The following NAPRT variants were observed in gnomAD, a reference collection of about 807,000 sequenced individuals.
NAPRT encodes nicotinate phosphoribosyltransferase.
A neutral mutation model predicts 60.7 loss-of-function variants in NAPRT; 66 were observed. The ratio of observed to expected loss-of-function variants is 1.09; its 90% CI spans 0.89 to 1.33. The LOEUF (loss-of-function observed/expected upper bound fraction) is 1.33, where lower values mean the gene tolerates loss of function less well. NAPRT is among the 40% of genes most tolerant of loss of function. The pLI is 0.00. For missense variants in NAPRT, 818 were observed against 731.5 expected (o/e 1.12, Z -1.36); for synonymous variants, 405 against 335.7 (o/e 1.21, Z -2.26).
In NAPRT at chr8:143,577,394, AC is replaced by A. The variant is rs1824550815; in HGVS notation, c.442del (p.Val148TrpfsTer10). On this transcript the variant is annotated frameshift_variant, in exon 4 of 13. Coordinates refer to ENST00000449291, the MANE Select transcript of NAPRT (RefSeq NM_145201.6). LOFTEE classifies it high-confidence loss of function. ...LLCLVSYASL[V>X]ATNAARLRLI... is the part of the protein sequence containing the mutation. ...GCGAAGCCGCGCTGCGTTGGTGGCC[AC>A]CAGGCTGTGGGGAGCCAAGAGTCAG... is the stretch of plus-strand genomic sequence containing the variant. 3 of 1,606,630 alleles carry A rather than the reference AC, an allele frequency of 1.9e-6. No homozygotes were observed. Among genetic ancestry groups the A allele is most frequent in the Non-Finnish European group, 2.5e-6 (3 of 1,177,494 alleles).
At chr8:143,574,762 G>C (rs1054289676), downstream of NAPRT, 1 of 1,532,754 alleles carries the variant, frequency 6.5e-7, no homozygotes, top group African/African-American at 1.4e-5. Context: ...GTGAACAAAC[G>C]ACACAAACAA....
At position 143,576,547 on chromosome 8, in the gene NAPRT, C is replaced by A. The variant is rs1003388135; in HGVS notation, c.907G>T (p.Val303Phe). 6.2e-7 allele frequency: 1 copy of A among 1,611,800 alleles called. No homozygotes were observed. Among genetic ancestry groups the A allele is most frequent in the Admixed American group, 1.7e-5 (1 of 59,896 alleles). ...WRSGLPNFLA[V>F]ALALGELGYR... Reference sequence around the variant, plus strand: ...CCCAGCTCTCCCAGGGCCAGGGCGACTGCTAGGAAGTTGGGGAGACCACTC... The same window carrying A: ...CCCAGCTCTCCCAGGGCCAGGGCGAATGCTAGGAAGTTGGGGAGACCACTC... Residue 303 changes from valine to phenylalanine, a missense_variant, in exon 7 of 13, where the codon GTC becomes TTC. Physicochemically the swap from Val to Phe is conservative, Grantham distance 50. Transcript: ENST00000449291.
At position 143,575,330 on chromosome 8, in the gene NAPRT, T is replaced by A. The variant is rs147123886; in HGVS notation, c.1307A>T (p.Asp436Val). Residue 436 changes from aspartate to valine, a missense_variant, in exon 11 of 13, where the codon GAC becomes GTC. Transcript: ENST00000449291. ...LLGSDGSPLM[D>V]MLQLAEEPVP... is the part of the protein sequence containing the mutation. The stretch of plus-strand genomic sequence containing the variant: ...TGGCTCTTCTGCTAACTGCAGCATG[T>A]CCATGAGTGGAGACCCTGTGTGGAC... The A allele has an allele frequency of 6.6e-5, 106 of 1,612,436 alleles. No homozygotes were observed. Among genetic ancestry groups the A allele is most frequent in the Non-Finnish European group, 8.6e-5 (101 of 1,179,730 alleles).
chr8:143,575,003 T>A lies in NAPRT; in HGVS notation c.1537A>T (p.Ser513Cys), dbSNP rs1563928903. 6.6e-7 allele frequency: 1 copy of A among 1,525,744 alleles called. No homozygotes were observed. Among genetic ancestry groups the A allele is most frequent in the Admixed American group, 2.0e-5 (1 of 49,168 alleles). 94.5% of individuals were successfully genotyped at this position (1,525,744 alleles called of 1,614,324 possible). A position where few individuals can be genotyped will look rare whatever the true frequency, so the allele number is the denominator to read the frequency against. The change falls in exon 12 of 13, where the codon AGC becomes TGC. Residue 513 changes from serine to cysteine, a missense_variant. Ser to Cys is a moderately radical substitution (Grantham distance 112). Transcript: ENST00000449291. ...RLSPEHRRLRSPAQYQVVLSE... is the reference protein window; with the variant it reads ...RLSPEHRRLRCPAQYQVVLSE... ...CCCCCAACCTGGTACTGTGCAGGGC[T>A]CCGCAGCCGCCTGTGCTCAGGGCTG...
At chr8:143,577,967 A>G (rs375738404) in intron 1 of NAPRT, 24 bp from the exon 2 acceptor site, 129 of 1,600,334 alleles carry the variant, frequency 8.1e-5, no homozygotes, top group Non-Finnish European at 1.0e-4. Flanking sequence ...AACTGCGCTG[A>G]GACCAGCGCG....
At chr8:143,577,029 C>T (rs748417887) in intron 5 of NAPRT, 33 bp downstream of exon 5, 1 of 1,600,246 alleles carries the variant, frequency 6.2e-7, no homozygotes, top group African/African-American at 1.3e-5. Context: ...GGCCTGTCGC[C>T]TGGAGACAGC....
chr8:143,576,632 G>A lies in NAPRT; in HGVS notation c.881+14C>T, dbSNP rs772265256. On this transcript the variant is annotated intron_variant, in intron 6 of 12. Coordinates refer to ENST00000449291, the MANE Select transcript of NAPRT (RefSeq NM_145201.6). The stretch of plus-strand genomic sequence containing the variant: ...AGGTTCTGCTGAGCCCACCCCTAAA[G>A]TGCCCGGGCTCACCTCCACACGCTG... The A allele has an allele frequency of 1.9e-6, 3 of 1,605,986 alleles. 1 individual carries two copies. In the South Asian group the frequency reaches 3.3e-5, roughly 18 times the overall value.
chr8:143,573,130 C>G (rs902631881), downstream of NAPRT, among the ~76,000 whole-genome samples: 4 of 152,166 alleles, frequency 2.6e-5, no homozygotes, highest in Non-Finnish European at 5.9e-5. Flanking sequence ...GAGTCGAGGC[C>G]TGATTCAGCC....
At chr8:143,573,229 C>T (rs1824183301), downstream of NAPRT, among the ~76,000 whole-genome samples, 1 of 152,190 alleles carries the variant, frequency 6.6e-6, no homozygotes, top group Non-Finnish European at 1.5e-5. Flanking sequence ...CACGCTGGCT[C>T]TGTCAGACAC....
Position 143,577,264 on chromosome 8 carries a change from C to T in NAPRT, c.568+5G>A, listed in dbSNP as rs1196755560. Reference sequence around the variant, plus strand: ...CCCTTGCCTTGCCCCGCACCAGACACTCACCGCCCAGGTAGCTGTAGGTGG... The same window carrying T: ...CCCTTGCCTTGCCCCGCACCAGACATTCACCGCCCAGGTAGCTGTAGGTGG... On this transcript the variant is annotated splice_donor_5th_base_variant and intron_variant, in intron 4 of 12. Coordinates refer to ENST00000449291, the MANE Select transcript of NAPRT (RefSeq NM_145201.6). 4 of 1,609,008 alleles carry T rather than the reference C, an allele frequency of 2.5e-6. No homozygotes were observed. The highest frequency in any genetic ancestry group is 3.4e-6 in the Non-Finnish European group (4 of 1,177,746).
chr8:143,577,346 C>T lies in NAPRT; in HGVS notation c.491G>A (p.Arg164Gln), dbSNP rs1824545902. 6.2e-7 allele frequency: 1 copy of T among 1,606,732 alleles called. No individual in the cohort carries two copies. Among genetic ancestry groups the T allele is most frequent in the Non-Finnish European group, 8.5e-7 (1 of 1,177,694 alleles). Residue 164 changes from arginine to glutamine, a missense_variant, in exon 4 of 13, where the codon CGG becomes CAG. Physicochemically the swap from Arg to Gln is conservative, Grantham distance 43. Transcript: ENST00000449291. ...CCGCCTCAGGCCCATCTCTAGCAGC[C>T]GCTTCTCTGGCCCTGCGATCAAGCG... ...RLRLIAGPEK[R>Q]LLEMGLRRAQ...
Position 143,577,721 on chromosome 8 carries a change from A to C in NAPRT, c.373T>G (p.Ser125Ala), listed in dbSNP as rs376323296. The C allele has an allele frequency of 7.0e-5, 109 of 1,547,916 alleles. No homozygotes were observed. Among genetic ancestry groups the C allele is most frequent in the Admixed American group, 1.9e-4 (10 of 51,542 alleles). The change falls in exon 3 of 13, where the codon TCC becomes GCC. Residue 125 changes from serine to alanine, a missense_variant. Coordinates refer to ENST00000449291, the MANE Select transcript of NAPRT (RefSeq NM_145201.6). ...AGCTGCACCACCAGGAGCGGCCCGG[A>C]CACCTGCAGGAGCGGCACCTGCGGG... is the stretch of plus-strand genomic sequence containing the variant. The part of the protein sequence containing the change: ...AFPGVPLLQV[S>A]GPLLVVQLLE...
At chr8:143,574,550 G>A, downstream of NAPRT, 2 of 583,554 alleles carry the variant, frequency 3.4e-6, no homozygotes, top group South Asian at 2.0e-5. Flanking sequence ...CTGTGGCTTT[G>A]TAGTTCTAGT....
In NAPRT at chr8:143,577,912, TG is replaced by T; in HGVS notation, c.257del (p.Pro86GlnfsTer19). 6.2e-7 allele frequency: 1 copy of T among 1,611,696 alleles called. No homozygotes were observed. Among genetic ancestry groups the T allele is most frequent in the Non-Finnish European group, 8.5e-7 (1 of 1,179,424 alleles). The stretch of plus-strand genomic sequence containing the variant: ...GCTCGAAGAACGCAGGATCCGTGTC[TG>T]GGGGCAGCACCGAGGCCAGGAACTG... The part of the protein sequence containing the change: ...DVQFLASVLP[P>X]DTDPAFFEHL... On this transcript the variant is annotated frameshift_variant, in exon 2 of 13. Transcript: ENST00000449291. LOFTEE classifies it high-confidence loss of function.
At chr8:143,575,990 G>T in intron 8 of NAPRT, 88 bp downstream of exon 8, 18 of 1,127,058 alleles carry the variant, frequency 1.6e-5, no homozygotes, top group Non-Finnish European at 2.2e-5. Context: ...CCTGGGCGGG[G>T]AAGGAGGTGG....
rs1824385397 is a variant in NAPRT at position 143,575,605 on chromosome 8, C to T, written c.1188+17G>A. 1 of 1,587,554 alleles carries T rather than the reference C, an allele frequency of 6.3e-7. No homozygotes were observed. The highest frequency in any genetic ancestry group is 1.3e-5 in the African/African-American group (1 of 74,468). ...CCTCAGACCTGCCCCCACCTGGGCC[C>T]CCGACACTGTCCCTACCTTATAGAC... On this transcript the variant is annotated intron_variant, in intron 9 of 12. Coordinates refer to ENST00000449291, the MANE Select transcript of NAPRT (RefSeq NM_145201.6).
At chr8:143,576,360 A>C in intron 7 of NAPRT, 72 bp downstream of exon 7, 3 of 1,537,440 alleles carry the variant, frequency 2.0e-6, no homozygotes, top group Non-Finnish European at 2.6e-6. Flanking sequence ...AGAGTACCTC[A>C]CTGTCCTTCC....
intron 7 of NAPRT, 116 bp downstream of exon 7, chr8:143,576,316 C>A (rs1824451126): frequency 2.1e-6 from 3 of 1,450,372 alleles, no homozygotes; most frequent in Non-Finnish European, 1.9e-6. Context: ...TACTTCCCTG[C>A]CACGGCCTGC....
rs1006299431 is a variant in NAPRT at position 143,578,275 on chromosome 8, G to C, written c.44C>G (p.Pro15Arg). Residue 15 changes from proline to arginine, a missense_variant, in exon 1 of 13, where the codon CCG (proline) becomes CGG (arginine). Transcript: ENST00000449291. ...QDPEARAAAR[P>R]LLTDLYQATM... ...GGCCTGGTAGAGGTCAGTGAGCAGCGGCCGCGCCGCCGCGCGCGCCTCGGG... is the reference window on the plus strand; with the variant it reads ...GGCCTGGTAGAGGTCAGTGAGCAGCCGCCGCGCCGCCGCGCGCGCCTCGGG... The C allele has an allele frequency of 7.1e-7, 1 of 1,413,194 alleles. No homozygotes were observed. The highest frequency in any genetic ancestry group is 1.5e-5 in the African/African-American group (1 of 65,758). 87.5% of individuals were successfully genotyped at this position (1,413,194 alleles called of 1,614,324 possible). A position where few individuals can be genotyped will look rare whatever the true frequency, so the allele number is the denominator to read the frequency against.
Sources: allele counts gnomAD v4.1 joint callset (sites outside exome capture counted in the v4.1 genomes callset), GRCh38; gene constraint gnomAD v4.1.1; transcripts MANE v1.5; gene names NCBI Gene and HGNC (gene_info 2026-07-23, HGNC 2026-07-21).